Variants in NAALADL2 observed in about 807,000 individuals in gnomAD.
NAALADL2 encodes the protein inactive N-acetylated-alpha-linked acidic dipeptidase-like protein 2.
NAALADL2 carries 76 observed loss-of-function variants against 87.2 expected under a neutral mutation model. The ratio of observed to expected loss-of-function variants is 0.87; its 90% confidence interval spans 0.72 to 1.05. The LOEUF (loss-of-function observed/expected upper bound fraction) is 1.05. NAALADL2 is among the 50% of genes least tolerant of loss of function. NAALADL2 has a pLI of 0.00. For synonymous variants in NAALADL2, 354 were observed against 331.0 expected (o/e 1.07, Z -0.75); for missense variants, 1,089 against 945.8 (o/e 1.15, Z -1.99).
intron 3 of NAALADL2, among the ~76,000 whole-genome samples, chr3:174,799,096 G>C (rs1256137525): frequency 1.3e-5 from 2 of 151,966 alleles, no homozygotes; most frequent in East Asian, 3.9e-4. Flanking sequence ...CTTGAACCTG[G>C]GAGGCGGAGG....
upstream of NAALADL2, among the ~76,000 whole-genome samples, chr3:174,854,550 A>G (rs1381511428): frequency 6.6e-6 from 1 of 152,198 alleles, no homozygotes; most frequent in East Asian, 1.9e-4. Context: ...TGATTTTAAC[A>G]CAAAAATTAT....
rs145907200 is a variant in NAALADL2, at chr3:175,566,078, C to T, written c.1654-9963C>T. Among the ~76,000 whole-genome samples the T allele has an allele frequency of 3.4e-4, 52 of 152,210 alleles. 1 individual carries two copies. The highest frequency in any genetic ancestry group is 1.3e-3 in the African/African-American group (52 of 41,542). ...CCCCTGACCTCAGGTGATCCACCCACGTCGGCCTCCCAGAGTGCTGGAATT... is the reference window on the plus strand; with the variant it reads ...CCCCTGACCTCAGGTGATCCACCCATGTCGGCCTCCCAGAGTGCTGGAATT... On this transcript the variant is annotated intron_variant, in intron 9 of 13. Transcript: ENST00000454872.
intron 1 of NAALADL2, among the ~76,000 whole-genome samples, chr3:175,082,911 A>AT (rs1354205517): frequency 6.6e-6 from 1 of 152,114 alleles, no homozygotes; most frequent in African/African-American, 2.4e-5. Flanking sequence ...AGCTAAATGG[A>AT]TTTTTCTGGA....
intron 9 of NAALADL2, among the ~76,000 whole-genome samples, chr3:175,493,380 G>A (rs1394144115): frequency 6.6e-6 from 1 of 152,024 alleles, no homozygotes; most frequent in African/African-American, 2.4e-5. Context: ...TAGTAAAATA[G>A]GGATCATCCA....
intron 10 of NAALADL2, among the ~76,000 whole-genome samples, chr3:175,594,261 G>T (rs1721941936): frequency 6.6e-6 from 1 of 152,068 alleles, no homozygotes; most frequent in South Asian, 2.1e-4. Flanking sequence ...TTGGTTTTCT[G>T]TTCCTGCATT....
At chr3:175,765,442 A>T (rs1003963940) in intron 13 of NAALADL2, among the ~76,000 whole-genome samples, 9 of 152,142 alleles carry the variant, frequency 5.9e-5, no homozygotes, top group African/African-American at 2.2e-4. Flanking sequence ...AGAACAAAGA[A>T]CATACCTCAT....
chr3:174,657,603 C>T (rs1226105430), intron 2 of NAALADL2, among the ~76,000 whole-genome samples: 5 of 152,124 alleles, frequency 3.3e-5, no homozygotes, highest in Non-Finnish European at 4.4e-5. Context: ...ATGGCGTATT[C>T]GTGACAACTG....
intron 1 of NAALADL2, among the ~76,000 whole-genome samples, chr3:174,488,723 C>G (rs780583616): frequency 2.0e-5 from 3 of 151,886 alleles, no homozygotes; most frequent in Non-Finnish European, 2.9e-5. Context: ...ACCTTCATTC[C>G]TTGTTTCACA....
At chr3:175,595,014 CA>C (rs895236012) in intron 10 of NAALADL2, among the ~76,000 whole-genome samples, 2 of 151,980 alleles carry the variant, frequency 1.3e-5, no homozygotes, top group African/African-American at 2.4e-5. Context: ...CTGGCTCCCA[CA>C]TGTCAGTTTT....
At chr3:175,397,244 TA>T (rs869054508) in intron 5 of NAALADL2, 2 of 152,102 alleles carry the variant, frequency 1.3e-5, no homozygotes, top group African/African-American at 2.4e-5. Context: ...TATACATTTT[TA>T]AAAAAATATG....
At chr3:175,085,926 A>T (rs1347760154) in intron 1 of NAALADL2, among the ~76,000 whole-genome samples, 1 of 152,210 alleles carries the variant, frequency 6.6e-6, no homozygotes, top group Non-Finnish European at 1.5e-5. Context: ...CAGAAGATAT[A>T]GATATTTTAT....
chr3:175,168,675 T>G (rs1248516421), intron 2 of NAALADL2, among the ~76,000 whole-genome samples: 1 of 151,804 alleles, frequency 6.6e-6, no homozygotes, highest in Non-Finnish European at 1.5e-5. Context: ...ATATCTTTTT[T>G]GTTTTTATTT....
intron 4 of NAALADL2, among the ~76,000 whole-genome samples, chr3:175,313,367 A>G (rs982430600): frequency 6.6e-6 from 1 of 152,142 alleles, no homozygotes; most frequent in African/African-American, 2.4e-5. Context: ...TACTCTTCTT[A>G]TCTACATGAA....
intron 9 of NAALADL2, among the ~76,000 whole-genome samples, chr3:175,515,752 C>A (rs78682253): frequency 0.019 from 2,890 of 152,240 alleles, 91 homozygotes; most frequent in African/African-American, 0.066. Flanking sequence ...AACTCTCCAA[C>A]AGCTTCTCAT....
At chr3:175,767,220 A>G (rs559308823) in intron 13 of NAALADL2, among the ~76,000 whole-genome samples, 2 of 152,176 alleles carry the variant, frequency 1.3e-5, no homozygotes, top group East Asian at 1.9e-4. Flanking sequence ...ATTAAAAAAA[A>G]TAGGTCTATA....
chr3:174,701,338 T>G (rs1005852696), intron 2 of NAALADL2, among the ~76,000 whole-genome samples: 1 of 151,840 alleles, frequency 6.6e-6, no homozygotes, highest in African/African-American at 2.4e-5. Flanking sequence ...GGAAGGGGTG[T>G]TATGAGCTAA....
intron 10 of NAALADL2, among the ~76,000 whole-genome samples, chr3:175,588,864 A>T (rs959445848): frequency 6.6e-6 from 1 of 152,202 alleles, no homozygotes; most frequent in Admixed American, 6.5e-5. Context: ...AAAGAAATAC[A>T]TAATCAAACT....
At chr3:174,480,140 G>A (rs544591027) in intron 1 of NAALADL2, among the ~76,000 whole-genome samples, 1 of 152,016 alleles carries the variant, frequency 6.6e-6, no homozygotes, top group Non-Finnish European at 1.5e-5. Context: ...CTAAAAAATA[G>A]CAAGGAAGAG....
At chr3:175,063,930 T>C (rs1714045836) in intron 1 of NAALADL2, among the ~76,000 whole-genome samples, 1 of 152,172 alleles carries the variant, frequency 6.6e-6, no homozygotes, top group Non-Finnish European at 1.5e-5. Flanking sequence ...GTGATACAAA[T>C]GTTTTCATAA....
Sources: gnomAD v4.1 joint callset for allele counts (sites outside exome capture counted in the v4.1 genomes callset) on GRCh38, gnomAD v4.1.1 for gene constraint, MANE v1.5 for transcripts, NCBI Gene and HGNC (gene_info 2026-07-23, HGNC 2026-07-21) for gene names.